MOCOS: variants seen among roughly 807,000 people sequenced by gnomAD.
MOCOS encodes the protein human molybdenum cofactor sulfurase.
A neutral mutation model predicts 83.6 loss-of-function variants in MOCOS; 86 were observed. That is an observed-to-expected ratio of 1.03 (90% CI 0.86 to 1.23). The LOEUF is 1.23. Among genes scored for constraint, MOCOS ranks in the 50% most tolerant of loss-of-function variants. The probability of loss-of-function intolerance (pLI) is 0.00; values close to 1 mark genes in which losing one functional copy is unlikely to be tolerated. For synonymous variants in MOCOS, 445 were observed against 434.7 expected (o/e 1.02, Z -0.29); for missense variants, 1,120 against 1,126.9 (o/e 0.99, Z 0.09).
chr18:36,262,454 A>C lies in MOCOS; in HGVS notation c.2409+2279A>C, dbSNP rs142727514. The stretch of plus-strand genomic sequence containing the variant: ...CAGTCAATCAATAATAGCTATATGC[A>C]TTAGTCCAGCACGAGCATTAAAGAG... On this transcript the variant is annotated intron_variant, in intron 13 of 14. Transcript: ENST00000261326. Among the ~76,000 whole-genome samples, 132 of 152,274 alleles carry C rather than the reference A, an allele frequency of 8.7e-4. 1 individual carries two copies. Among genetic ancestry groups the C allele is most frequent in the African/African-American group, 2.7e-3 (112 of 41,570 alleles).
intron 11 of MOCOS, among the ~76,000 whole-genome samples, chr18:36,254,618 T>C (rs1236396423): frequency 3.3e-5 from 5 of 151,122 alleles, no homozygotes; most frequent in Admixed American, 6.6e-5. Context: ...CACACACACA[T>C]ATATATATGA....
rs765323717 is a variant in MOCOS, at chr18:36,187,680, A to G, written c.141A>G (p.Ala47=). 6.3e-6 allele frequency: 8 copies of G among 1,266,508 alleles called. No individual in the cohort carries two copies. The highest frequency in any genetic ancestry group is 4.3e-4 in the Middle Eastern group (2 of 4,700). The allele number at this position is 1,266,508 out of a possible 1,614,324, so 78.5% of individuals were successfully genotyped here. ...ELRAREFSRL[A]GTVYLDHAGA... ...GGGCGCGCGAGTTCAGCCGCCTGGC[A>G]GGTGAGGCGGGCGGGCAGGCTTGGG... is the stretch of plus-strand genomic sequence containing the variant. Residue 47 remains alanine (A), a splice_region_variant and synonymous_variant, in exon 1 of 15, where the codon GCA becomes GCG. Transcript: ENST00000261326.
chr18:36,237,039 C>T (rs1289541893), intron 9 of MOCOS, among the ~76,000 whole-genome samples: 9 of 149,880 alleles, frequency 6.0e-5, no homozygotes, highest in Admixed American at 1.3e-4. Context: ...TGGGCTGAGA[C>T]AATGGGGTTT....
intron 6 of MOCOS, among the ~76,000 whole-genome samples, chr18:36,211,873 A>G (rs1568053546): frequency 6.6e-6 from 1 of 152,156 alleles, no homozygotes; most frequent in African/African-American, 2.4e-5. Flanking sequence ...GGAGGATGAC[A>G]CTGCATGGCT....
At position 36,205,242 on chromosome 18, in the gene MOCOS, T is replaced by C; in HGVS notation, c.1184T>C (p.Leu395Pro). The change falls in exon 6 of 15, where the codon CTG becomes CCG. Residue 395 changes from leucine to proline, a missense_variant. By Grantham distance (98) the Leu-to-Pro change is moderately conservative. Coordinates refer to ENST00000261326, the MANE Select transcript of MOCOS (RefSeq NM_017947.4). ...GGCCCAATCATCAATTTTAATGTGCTGGATGACAAAGGGAACATCATTGGT... is the reference window on the plus strand; with the variant it reads ...GGCCCAATCATCAATTTTAATGTGCCGGATGACAAAGGGAACATCATTGGT... Reference protein sequence around the residue: ...VQGPIINFNVLDDKGNIIGYS... With the variant: ...VQGPIINFNVPDDKGNIIGYS... 6.2e-6 allele frequency: 10 copies of C among 1,614,052 alleles called. No homozygotes were observed. Among genetic ancestry groups the C allele is most frequent in the Non-Finnish European group, 8.5e-6 (10 of 1,180,022 alleles).
At chr18:36,235,886 G>A (rs550845397) in intron 9 of MOCOS, among the ~76,000 whole-genome samples, 77 of 151,690 alleles carry the variant, frequency 5.1e-4, no homozygotes, top group Non-Finnish European at 9.9e-4. Flanking sequence ...GGCCAGTGAT[G>A]GTGAGCATTT....
At chr18:36,247,839 C>T (rs896455608) in intron 9 of MOCOS, among the ~76,000 whole-genome samples, 2 of 152,214 alleles carry the variant, frequency 1.3e-5, no homozygotes, top group Non-Finnish European at 2.9e-5. Flanking sequence ...GCGGTTCATG[C>T]AGCAAAAGTT....
rs765325339 is a variant in MOCOS at position 36,199,801 on chromosome 18, A to G, written c.418A>G (p.Ser140Gly). The part of the protein sequence containing the change: ...AFPWVSQGPE[S>G]SGSRFCYLTD... Reference sequence around the variant, plus strand: ...TCCATGGGTGTCCCAGGGCCCAGAGAGCAGTGGGAGTCGCTTCTGTTACCT... The same window carrying G: ...TCCATGGGTGTCCCAGGGCCCAGAGGGCAGTGGGAGTCGCTTCTGTTACCT... The change falls in exon 4 of 15, where the codon AGC becomes GGC. Residue 140 changes from serine to glycine, a missense_variant. Transcript: ENST00000261326. The G allele has an allele frequency of 4.3e-6, 7 of 1,614,058 alleles. No individual in the cohort carries two copies. The highest frequency in any genetic ancestry group is 5.9e-6 in the Non-Finnish European group (7 of 1,180,012).
At chr18:36,243,588 T>C (rs976926991) in intron 9 of MOCOS, among the ~76,000 whole-genome samples, 1 of 151,884 alleles carries the variant, frequency 6.6e-6, no homozygotes, top group Non-Finnish European at 1.5e-5. Flanking sequence ...TTTGTTGTTA[T>C]GTCCTTTCCT....
intron 13 of MOCOS, among the ~76,000 whole-genome samples, chr18:36,264,688 G>A (rs191121717): frequency 2.2e-4 from 33 of 152,074 alleles, no homozygotes; most frequent in African/African-American, 6.5e-4. Flanking sequence ...GGGTGCTTAC[G>A]TGGCCTGGGA....
chr18:36,213,096 C>A (rs1460138125), intron 6 of MOCOS, among the ~76,000 whole-genome samples: 2 of 152,210 alleles, frequency 1.3e-5, no homozygotes, highest in African/African-American at 4.8e-5. Flanking sequence ...GTCCAGGCTG[C>A]GAGCTGAGGC....
At chr18:36,202,773 C>G (rs1023004799) in intron 4 of MOCOS, among the ~76,000 whole-genome samples, 4 of 152,036 alleles carry the variant, frequency 2.6e-5, no homozygotes, top group African/African-American at 4.8e-5. Flanking sequence ...ACAATCATGG[C>G]GGAAAGGGAA....
At chr18:36,255,911 T>G (rs2091639936) in intron 11 of MOCOS, among the ~76,000 whole-genome samples, 1 of 149,160 alleles carries the variant, frequency 6.7e-6, no homozygotes, top group African/African-American at 2.5e-5. Context: ...TTTTAGACAG[T>G]TTTGCAGTTT....
intron 3 of MOCOS, 29 bp from the exon 4 acceptor site, chr18:36,199,654 G>C: frequency 1.2e-6 from 2 of 1,612,152 alleles, no homozygotes; most frequent in South Asian, 1.1e-5. Context: ...TGAGATCCGC[G>C]GGTTGCGGGG....
intron 9 of MOCOS, among the ~76,000 whole-genome samples, chr18:36,230,504 G>A (rs12604205): frequency 2.6e-5 from 4 of 151,896 alleles, no homozygotes; most frequent in South Asian, 2.1e-4. Context: ...CAACTCTTTC[G>A]TCCCTTAGGA....
In MOCOS at chr18:36,205,255, GA is replaced by G; in HGVS notation, c.1199del (p.Asn400ThrfsTer36). The G allele has an allele frequency of 6.2e-7, 1 of 1,613,796 alleles. No homozygotes were observed. Among genetic ancestry groups the G allele is most frequent in the Non-Finnish European group, 8.5e-7 (1 of 1,179,978 alleles). ...ATTTTAATGTGCTGGATGACAAAGGGAACATCATTGGTTACTCCCAGGTGGG... is the reference window on the plus strand; with the variant it reads ...ATTTTAATGTGCTGGATGACAAAGGGACATCATTGGTTACTCCCAGGTGGG... The part of the protein sequence containing the change: ...INFNVLDDKG[N>X]IIGYSQVDKM... On this transcript the variant is annotated frameshift_variant, in exon 6 of 15. Transcript: ENST00000261326. LOFTEE classifies it high-confidence loss of function.
chr18:36,222,213 C>T (rs768838677), intron 9 of MOCOS, among the ~76,000 whole-genome samples: 2 of 152,140 alleles, frequency 1.3e-5, no homozygotes, highest in Admixed American at 6.6e-5. Flanking sequence ...AATATCTCTT[C>T]GGTATCCTGG....
intron 6 of MOCOS, 148 bp from the exon 7 acceptor site, chr18:36,213,218 A>T: frequency 1.4e-6 from 1 of 714,680 alleles, no homozygotes; most frequent in Non-Finnish European, 2.5e-6. Flanking sequence ...TACAACGTTT[A>T]ACCTGTGATA....
At chr18:36,205,016 A>AAT in intron 5 of MOCOS, 61 bp from the exon 6 acceptor site, 1 of 1,242,580 alleles carries the variant, frequency 8.0e-7, no homozygotes, top group Non-Finnish European at 1.1e-6. Context: ...AAAAAAAAAA[A>AAT]GAGTGAATTG....
Sources: gnomAD v4.1 joint callset for allele counts (sites outside exome capture counted in the v4.1 genomes callset) on GRCh38, gnomAD v4.1.1 for gene constraint, MANE v1.5 for transcripts, NCBI Gene and HGNC (gene_info 2026-07-23, HGNC 2026-07-21) for gene names.